KRT37: variants seen among roughly 807,000 people sequenced by gnomAD.
KRT37 encodes keratin 37.
KRT37 carries 38 observed loss-of-function variants against 41.9 expected under a neutral mutation model. The observed-to-expected ratio is 0.91, with a 90% CI of 0.70 to 1.19. KRT37 has a LOEUF of 1.19. Among genes scored for constraint, KRT37 ranks in the 50% most tolerant of loss-of-function variants. The pLI is 0.00. For synonymous variants in KRT37, 252 were observed against 243.4 expected, an observed-to-expected ratio of 1.04 and a Z score of -0.33; for missense variants, 580 against 575.5, an observed-to-expected ratio of 1.01 and a Z score of -0.08.
intron 6 of KRT37, 32 bp downstream of exon 6, chr17:41,421,335 T>C: frequency 6.2e-7 from 1 of 1,606,166 alleles, no homozygotes; most frequent in Non-Finnish European, 8.5e-7. Flanking sequence ...CAGTCATGTG[T>C]GTGGCTTAGG....
At chr17:41,423,698 T>C in intron 2 of KRT37, 64 bp downstream of exon 2, 2 of 1,467,206 alleles carry the variant, frequency 1.4e-6, no homozygotes, top group East Asian at 2.3e-5. Context: ...GACTGAGTAA[T>C]GGGGCGGGCC....
At chr17:41,423,945 C>G in intron 1 of KRT37, 87 bp downstream of exon 1, 1 of 1,604,212 alleles carries the variant, frequency 6.2e-7, no homozygotes, top group Non-Finnish European at 8.5e-7. Context: ...ACCAAGAACC[C>G]AAAGCTCTCT....
chr17:41,423,012 C>T, intron 2 of KRT37, 78 bp from the exon 3 acceptor site: 2 of 1,525,530 alleles, frequency 1.3e-6, no homozygotes, highest in Non-Finnish European at 1.8e-6. Context: ...CTACCTCCCA[C>T]ACCACCTTGG....
intron 3 of KRT37, 96 bp downstream of exon 3, chr17:41,422,680 CCA>C: frequency 2.3e-6 from 3 of 1,331,466 alleles, no homozygotes; most frequent in Non-Finnish European, 3.0e-6. Context: ...CATCCTTAGG[CCA>C]GCTGAGCCCA....
chr17:41,421,958 C>A, intron 5 of KRT37, 111 bp downstream of exon 5: 1 of 1,568,138 alleles, frequency 6.4e-7, no homozygotes, highest in Non-Finnish European at 8.7e-7. Flanking sequence ...TATAGAGGAC[C>A]CCAGATCTTG....
chr17:41,422,013 AC>A, intron 5 of KRT37, 55 bp downstream of exon 5: 17 of 1,612,630 alleles, frequency 1.1e-5, no homozygotes, highest in Non-Finnish European at 1.4e-5. Context: ...AAGAGATGCT[AC>A]TACCAGGACA....
intron 5 of KRT37, among the ~76,000 whole-genome samples, 188 bp from the exon 6 acceptor site, chr17:41,421,775 G>A (rs2144396072): frequency 6.6e-6 from 1 of 152,326 alleles, no homozygotes; most frequent in East Asian, 1.9e-4. Flanking sequence ...TTAAGGAACT[G>A]TCATGTTCAT....
In KRT37 at chr17:41,421,581, A is replaced by G; in HGVS notation, c.1027T>C (p.Cys343Arg). The G allele has an allele frequency of 6.2e-7, 1 of 1,614,012 alleles. No individual in the cohort carries two copies. Among genetic ancestry groups the G allele is most frequent in the Non-Finnish European group, 8.5e-7 (1 of 1,179,866 alleles). ...ERQAQHTLKD[C>R]LQNSLCEAED... ...GCTTCACACAGGGAGTTCTGCAGAC[A>G]GTCCTTCTGTAATGGGAAATAATGG... Residue 343 changes from cysteine (C) to arginine (R), a missense_variant, in exon 6 of 7, where the codon TGT becomes CGT. Cys to Arg is a radical substitution (Grantham distance 180, BLOSUM62 -3). Transcript: ENST00000225550.
Position 41,421,521 on chromosome 17 carries a change from G to A in KRT37, c.1087C>T (p.Gln363Ter), listed in dbSNP as rs1597719618. The A allele has an allele frequency of 1.9e-6, 3 of 1,614,118 alleles. No individual in the cohort carries two copies. The highest frequency in any genetic ancestry group is 2.7e-5 in the African/African-American group (2 of 74,934). ...TCTTCCAAGTTGCTAATGAGGCTCT[G>A]CATCTGGGCCAGCTCTGTGCCGTAG... ...DRYGTELAQM[Q>*]SLISNLEEQL... The change falls in exon 6 of 7, where the codon CAG (glutamine) becomes TAG (stop). Residue 363 changes from glutamine to a stop codon, truncating the protein, a stop_gained. Coordinates refer to ENST00000225550, the MANE Select transcript of KRT37 (RefSeq NM_003770.5). LOFTEE classifies it high-confidence loss of function.
At position 41,421,575 on chromosome 17, in the gene KRT37, G is replaced by A; in HGVS notation, c.1033C>T (p.Gln345Ter). ...QAQHTLKDCL[Q>*]NSLCEAEDRY... ...TCCTCCGCTTCACACAGGGAGTTCT[G>A]CAGACAGTCCTTCTGTAATGGGAAA... The change falls in exon 6 of 7, where the codon CAG becomes TAG. Residue 345 changes from glutamine to a stop codon, truncating the protein, a stop_gained. Coordinates refer to ENST00000225550, the MANE Select transcript of KRT37 (RefSeq NM_003770.5). LOFTEE classifies it high-confidence loss of function. The A allele has an allele frequency of 6.2e-7, 1 of 1,614,158 alleles. No homozygotes were observed. Among genetic ancestry groups the A allele is most frequent in the Non-Finnish European group, 8.5e-7 (1 of 1,179,998 alleles).
At chr17:41,421,264 G>C in intron 6 of KRT37, 103 bp downstream of exon 6, 1 of 1,233,620 alleles carries the variant, frequency 8.1e-7, no homozygotes, top group Non-Finnish European at 1.2e-6. Context: ...GCACAGGAAG[G>C]CTTGTTTGTT....
chr17:41,423,866 T>A, intron 1 of KRT37, 22 bp from the exon 2 acceptor site: 1 of 1,613,694 alleles, frequency 6.2e-7, no homozygotes, highest in South Asian at 1.1e-5. Context: ...GGAAAGACGG[T>A]TCACACACAA....
Position 41,422,805 on chromosome 17 carries a change from C to A in KRT37, c.705G>T (p.Gln235His), listed in dbSNP as rs2018561250. The A allele has an allele frequency of 1.2e-6, 2 of 1,612,202 alleles. No homozygotes were observed. The highest frequency in any genetic ancestry group is 1.7e-5 in the Admixed American group (1 of 59,886). ...GCTCGTGGTTGCTCTTGAGGGAGAG[C>A]TGCTCCTCCTTCAGGGACTCCTGCT... ...EAQQESLKEE[Q>H]LSLKSNHEQE... Residue 235 changes from glutamine (Q) to histidine (H), a missense_variant, in exon 3 of 7, where the codon CAG (glutamine) becomes CAT (histidine). Physicochemically the swap from Gln to His is conservative, Grantham distance 24. Coordinates refer to ENST00000225550, the MANE Select transcript of KRT37 (RefSeq NM_003770.5).
At position 41,424,177 on chromosome 17, in the gene KRT37, G is replaced by T; in HGVS notation, c.347C>A (p.Ala116Asp). 1.2e-6 allele frequency: 2 copies of T among 1,614,232 alleles called. No homozygotes were observed. Among genetic ancestry groups the T allele is most frequent in the Middle Eastern group, 1.6e-4 (1 of 6,062 alleles). Reference protein sequence around the residue: ...ETMKFLNDRLANYLEKVRQLE... With the variant: ...ETMKFLNDRLDNYLEKVRQLE... Reference sequence around the variant, plus strand: ...CTGGCGCACCTTCTCCAGGTAGTTGGCCAGGCGGTCATTCAGGAACTTCAT... The same window carrying T: ...CTGGCGCACCTTCTCCAGGTAGTTGTCCAGGCGGTCATTCAGGAACTTCAT... Residue 116 changes from alanine to aspartate, a missense_variant, in exon 1 of 7, where the codon GCC (alanine) becomes GAC (aspartate). Coordinates refer to ENST00000225550, the MANE Select transcript of KRT37 (RefSeq NM_003770.5).
In KRT37 at chr17:41,422,868, C is replaced by T; in HGVS notation, c.642G>A (p.Leu214=). 6.2e-7 allele frequency: 1 copy of T among 1,614,170 alleles called. No homozygotes were observed. Among genetic ancestry groups the T allele is most frequent in the Admixed American group, 1.7e-5 (1 of 60,026 alleles). The part of the protein sequence containing the change: ...EADKCGTQKL[L]DDATLAKADL... ...CGGCCTTGGCCAGGGTCGCGTCATC[C>T]AGGAGCTTCTGCGTCCCGCACTTGT... Residue 214 remains leucine (L), a synonymous_variant, in exon 3 of 7, where the codon CTG becomes CTA. Coordinates refer to ENST00000225550, the MANE Select transcript of KRT37 (RefSeq NM_003770.5).
chr17:41,421,023 G>T, intron 6 of KRT37, 37 bp from the exon 7 acceptor site: 2 of 1,512,584 alleles, frequency 1.3e-6, no homozygotes, highest in Non-Finnish European at 1.8e-6. Context: ...TTAAAAAGAT[G>T]TCTCAGTGAT....
intron 3 of KRT37, 41 bp downstream of exon 3, chr17:41,422,737 C>T (rs781186659): frequency 2.0e-6 from 3 of 1,498,698 alleles, no homozygotes; most frequent in Non-Finnish European, 2.7e-6. Context: ...CCCCTGTCTG[C>T]CCAGCGCCCT....
Position 41,421,590 on chromosome 17 carries a change from G to A in KRT37, c.1021-3C>T. On this transcript the variant is annotated splice_region_variant and splice_polypyrimidine_tract_variant and intron_variant, in intron 5 of 6. Transcript: ENST00000225550. ...AGGGAGTTCTGCAGACAGTCCTTCT[G>A]TAATGGGAAATAATGGGGTAAGAGA... The A allele has an allele frequency of 6.2e-7, 1 of 1,613,444 alleles. No homozygotes were observed. The highest frequency in any genetic ancestry group is 8.5e-7 in the Non-Finnish European group (1 of 1,179,416).
chr17:41,423,903 A>C (rs189264926), intron 1 of KRT37, 59 bp from the exon 2 acceptor site: 3 of 1,606,256 alleles, frequency 1.9e-6, no homozygotes, highest in East Asian at 2.2e-5. Flanking sequence ...CTCCCACTCC[A>C]TGTGTGGTAT....
Sources: gnomAD v4.1 joint callset for allele counts (sites outside exome capture counted in the v4.1 genomes callset) on GRCh38, gnomAD v4.1.1 for gene constraint, MANE v1.5 for transcripts, NCBI Gene and HGNC (gene_info 2026-07-23, HGNC 2026-07-21) for gene names.